TRMT11: variants seen among roughly 807,000 people sequenced by gnomAD.
TRMT11 encodes the protein tRNA (guanine(10)-N(2))-methyltransferase TRMT11.
In TRMT11, 53 loss-of-function variants were observed where a neutral mutation model predicts 62.8. The observed-to-expected ratio is 0.84, with a 90% CI of 0.68 to 1.06. The LOEUF (loss-of-function observed/expected upper bound fraction) is 1.06. Among genes scored for constraint, TRMT11 ranks in the 50% least tolerant of loss-of-function variants. The pLI is 0.00. For synonymous variants in TRMT11, 188 were observed against 190.3 expected, an observed-to-expected ratio of 0.99 and a Z score of 0.10; for missense variants, 556 against 553.4, an observed-to-expected ratio of 1.00 and a Z score of -0.05.
intron 21 of TRMT11, among the ~76,000 whole-genome samples, chr6:126,161,109 C>G (rs1778185340): frequency 6.6e-6 from 1 of 151,966 alleles, no homozygotes; most frequent in Non-Finnish European, 1.5e-5. Context: ...ACTTTAAGTT[C>G]TGGGATACAT....
intron 21 of TRMT11, among the ~76,000 whole-genome samples, chr6:126,118,807 A>G (rs923634128): frequency 6.6e-6 from 1 of 152,110 alleles, no homozygotes; most frequent in Non-Finnish European, 1.5e-5. Context: ...AGAAATCACT[A>G]AAGTTCAGAG....
At chr6:126,029,046 A>G (rs546904522) in intron 12 of TRMT11, among the ~76,000 whole-genome samples, 14 of 152,290 alleles carry the variant, frequency 9.2e-5, no homozygotes, top group African/African-American at 3.4e-4. Context: ...TTCTATGTGG[A>G]ATCAACATAA....
rs115246579 is a variant in TRMT11, at chr6:126,060,473, C to T, written c.*1437+7283C>T. Reference sequence around the variant, plus strand: ...GTACCCCCACCTCTCCTTCAGGCAACTCAGACCGAGTGTAGTCTAAGAGCC... The same window carrying T: ...GTACCCCCACCTCTCCTTCAGGCAATTCAGACCGAGTGTAGTCTAAGAGCC... On this transcript the variant is annotated intron_variant and NMD_transcript_variant, in intron 17 of 22. Transcript: ENST00000648977. Among the ~76,000 whole-genome samples, 259 of 152,326 alleles carry T rather than the reference C, an allele frequency of 1.7e-3. 1 individual carries two copies. The highest frequency in any genetic ancestry group is 6.1e-3 in the African/African-American group (252 of 41,578).
At chr6:126,039,496 T>C (rs1327316469), downstream of TRMT11, among the ~76,000 whole-genome samples, 1 of 152,090 alleles carries the variant, frequency 6.6e-6, no homozygotes. Context: ...TGACTGTTGC[T>C]CAAGTTAACT....
At chr6:126,240,923 C>T in the TRMT11 span, among the ~76,000 whole-genome samples, 1,409 of 152,364 alleles carry the variant, frequency 9.2e-3, 16 homozygotes, top group Non-Finnish European at 0.014. Context: ...CACCCCTCCC[C>T]CAGCCTCGCT....
intron 21 of TRMT11, among the ~76,000 whole-genome samples, chr6:126,141,994 A>T: frequency 6.6e-6 from 1 of 152,044 alleles, no homozygotes; most frequent in Non-Finnish European, 1.5e-5. Context: ...TAAAATTTCA[A>T]ATCGAAGACA....
At chr6:126,242,381 T>C in the TRMT11 span, among the ~76,000 whole-genome samples, 3 of 152,214 alleles carry the variant, frequency 2.0e-5, no homozygotes, top group Non-Finnish European at 2.9e-5. Context: ...ATAGATTCAA[T>C]GCCATCCCCA....
At chr6:125,997,919 CCGA>C (rs1791826893) in intron 3 of TRMT11, 131 bp from the exon 4 acceptor site, 4 of 602,176 alleles carry the variant, frequency 6.6e-6, no homozygotes, top group Non-Finnish European at 2.9e-6. Flanking sequence ...TCTAAAATAA[CCGA>C]TTCATTTATA....
intron 21 of TRMT11, among the ~76,000 whole-genome samples, chr6:126,162,591 C>T (rs556134162): frequency 1.0e-3 from 158 of 152,220 alleles, no homozygotes; most frequent in African/African-American, 3.1e-3. Flanking sequence ...TTTTGTAATT[C>T]GGTGAAGAAA....
intron 12 of TRMT11, among the ~76,000 whole-genome samples, chr6:126,028,149 T>C (rs1253358064): frequency 6.6e-6 from 1 of 152,174 alleles, no homozygotes; most frequent in Non-Finnish European, 1.5e-5. Context: ...TTGACTTTTC[T>C]TTCTGAAATA....
At chr6:126,004,140 A>G (rs1244922811) in intron 7 of TRMT11, among the ~76,000 whole-genome samples, 2 of 152,098 alleles carry the variant, frequency 1.3e-5, no homozygotes, top group Non-Finnish European at 2.9e-5. Flanking sequence ...ATATATATAC[A>G]TACACATAGA....
the TRMT11 span, among the ~76,000 whole-genome samples, chr6:126,219,965 G>A: frequency 7.9e-5 from 12 of 152,144 alleles, no homozygotes; most frequent in African/African-American, 2.9e-4. Context: ...GATTTAAGAT[G>A]ACCTCAGCCA....
chr6:126,170,285 C>T (rs774002333), intron 21 of TRMT11, among the ~76,000 whole-genome samples: 1 of 152,088 alleles, frequency 6.6e-6, no homozygotes, highest in Admixed American at 6.6e-5. Flanking sequence ...CCAAAAAACC[C>T]GAAACTGATT....
At chr6:125,990,676 A>T (rs1196954872) in intron 1 of TRMT11, among the ~76,000 whole-genome samples, 1 of 152,206 alleles carries the variant, frequency 6.6e-6, no homozygotes, top group Non-Finnish European at 1.5e-5. Flanking sequence ...CTCTTTTGCC[A>T]TACCTGGAAG....
intron 21 of TRMT11, among the ~76,000 whole-genome samples, chr6:126,164,817 G>A (rs926797916): frequency 2.7e-4 from 41 of 151,530 alleles, no homozygotes; most frequent in African/African-American, 4.8e-4. Flanking sequence ...TTTTTTTTGC[G>A]TTCCATTTCC....
In TRMT11 at chr6:126,105,969, A is replaced by G. The variant is rs555232570; in HGVS notation, c.*1438-6897A>G. 1.4e-4 allele frequency among the ~76,000 whole-genome samples: 21 copies of G among 152,302 alleles called. No homozygotes were observed. In the East Asian group the frequency reaches 1.9e-3, roughly 14 times the overall value. Reference sequence around the variant, plus strand: ...AATCCAAAGTCGGGTTACTCCCACAAATCCAAATGCCTGGAATAGTGCCAG... The same window carrying G: ...AATCCAAAGTCGGGTTACTCCCACAGATCCAAATGCCTGGAATAGTGCCAG... On this transcript the variant is annotated intron_variant and NMD_transcript_variant, in intron 17 of 22. Transcript: ENST00000648977.
intron 17 of TRMT11, among the ~76,000 whole-genome samples, chr6:126,104,061 A>G (rs1453521354): frequency 6.6e-6 from 1 of 152,206 alleles, no homozygotes; most frequent in Non-Finnish European, 1.5e-5. Flanking sequence ...AGCACTTACA[A>G]ATTTAGAAAA....
the TRMT11 span, among the ~76,000 whole-genome samples, chr6:126,265,748 A>C: frequency 6.6e-6 from 1 of 152,172 alleles, no homozygotes; most frequent in African/African-American, 2.4e-5. Context: ...ATTCCTACTG[A>C]GAGTCAGGAA....
chr6:126,007,493 C>G (rs1017773995), intron 7 of TRMT11, among the ~76,000 whole-genome samples: 4 of 151,914 alleles, frequency 2.6e-5, no homozygotes, highest in African/African-American at 7.2e-5. Context: ...CTAATTAAGA[C>G]TTGCCCAAGC....
Sources: allele counts gnomAD v4.1 joint callset (sites outside exome capture counted in the v4.1 genomes callset), GRCh38; gene constraint gnomAD v4.1.1; transcripts MANE v1.5; gene names NCBI Gene and HGNC (gene_info 2026-07-23, HGNC 2026-07-21).